Variants in ERG observed in about 807,000 individuals in gnomAD.
The protein encoded by ERG is ETS transcription factor ERG, also known as transcriptional regulator ERG.
Under a neutral mutation model 55.3 loss-of-function variants are expected in ERG, and 9 were observed. The observed-to-expected ratio is 0.16, with a 90% CI of 0.10 to 0.28. ERG has a LOEUF of 0.28. Among genes scored for constraint, ERG ranks in the 10% least tolerant of loss-of-function variants. The pLI is 1.00. For missense variants in ERG, 434 were observed against 631.6 expected (o/e 0.69, Z 3.35); for synonymous variants, 223 against 237.3 (o/e 0.94, Z 0.55).
intron 1 of ERG, among the ~76,000 whole-genome samples, chr21:38,489,614 T>C (rs935278376): frequency 2.6e-5 from 4 of 152,250 alleles, no homozygotes; most frequent in African/African-American, 9.6e-5. Context: ...ATAAATATGC[T>C]TCCAGTTTAG....
intron 1 of ERG, among the ~76,000 whole-genome samples, chr21:38,592,825 T>C (rs778241373): frequency 8.5e-5 from 13 of 152,240 alleles, no homozygotes; most frequent in Non-Finnish European, 1.6e-4. Flanking sequence ...CATGACCGCA[T>C]ACTTCTTGTC....
At chr21:38,530,304 C>G (rs1056288884) in intron 2 of ERG, among the ~76,000 whole-genome samples, 15 of 152,240 alleles carry the variant, frequency 9.9e-5, no homozygotes, top group African/African-American at 3.4e-4. Flanking sequence ...AAGTGATCCA[C>G]CCGCCTCGGC....
the ERG span, among the ~76,000 whole-genome samples, chr21:38,374,307 G>A: frequency 1.3e-5 from 2 of 152,186 alleles, no homozygotes; most frequent in South Asian, 4.1e-4. Context: ...CAGACTCCCT[G>A]GAGAGTACTG....
At chr21:38,457,724 G>C (rs1316170545) in intron 1 of ERG, among the ~76,000 whole-genome samples, 2 of 152,194 alleles carry the variant, frequency 1.3e-5, no homozygotes, top group African/African-American at 4.8e-5. Context: ...GAGCAGCACA[G>C]AGCCACCTGT....
At chr21:38,483,582 C>T (rs187581105) in intron 1 of ERG, among the ~76,000 whole-genome samples, 1 of 152,300 alleles carries the variant, frequency 6.6e-6, no homozygotes, top group African/African-American at 2.4e-5. Context: ...GGCATGGTGG[C>T]TCACGCCTAT....
intron 6 of ERG, 92 bp downstream of exon 6, chr21:38,400,482 C>A (rs763033843): frequency 4.0e-6 from 4 of 1,002,508 alleles, no homozygotes; most frequent in Non-Finnish European, 6.4e-6. Flanking sequence ...CCGGGATCAG[C>A]TCTCTTTGTA....
intron 2 of ERG, among the ~76,000 whole-genome samples, chr21:38,536,175 G>A (rs1427833904): frequency 6.6e-6 from 1 of 152,006 alleles, no homozygotes; most frequent in African/African-American, 2.4e-5. Context: ...ATCGATTAAT[G>A]GACTCTCCAG....
rs569588315 is a variant in ERG, at chr21:38,643,699, CTG to C, written c.-150+17957_-150+17958del. On this transcript the variant is annotated intron_variant, in intron 1 of 10. Transcript: ENST00000398910. ...CGGGAATGCATCGGTCTGCACCTGT[CTG>C]TTGCCATTTTCAGGGTTAGCAGGGC... 5.4e-3 allele frequency among the ~76,000 whole-genome samples: 830 copies of C among 152,338 alleles called. 4 individuals are homozygous for C. Among genetic ancestry groups the C allele is most frequent in the Admixed American group, 9.5e-3 (145 of 15,304 alleles).
chr21:38,527,988 C>T (rs1374479373), intron 2 of ERG, among the ~76,000 whole-genome samples: 1 of 152,164 alleles, frequency 6.6e-6, no homozygotes, highest in African/African-American at 2.4e-5. Flanking sequence ...GGTCGAAAGT[C>T]CAAGATCAAG....
intron 3 of ERG, among the ~76,000 whole-genome samples, chr21:38,420,562 C>T (rs1989498775): frequency 6.6e-6 from 1 of 152,194 alleles, no homozygotes; most frequent in Admixed American, 6.5e-5. Context: ...GCTATCCTTG[C>T]ATCCATCCAG....
chr21:38,424,923 C>A (rs76788386), intron 2 of ERG, among the ~76,000 whole-genome samples: 17 of 152,142 alleles, frequency 1.1e-4, no homozygotes, highest in African/African-American at 4.1e-4. Context: ...GACTACTGAC[C>A]GTGGGCAACA....
the ERG span, among the ~76,000 whole-genome samples, chr21:38,374,364 GATTA>G: frequency 6.6e-6 from 1 of 152,178 alleles, no homozygotes; most frequent in African/African-American, 2.4e-5. Flanking sequence ...ATTTGGTAAA[GATTA>G]ATTGACAAAG....
intron 1 of ERG, among the ~76,000 whole-genome samples, chr21:38,640,312 G>T (rs1267795445): frequency 6.6e-6 from 1 of 152,084 alleles, no homozygotes; most frequent in Admixed American, 6.5e-5. Context: ...CCAACATTAT[G>T]ATTTACCTAC....
chr21:38,383,438 T>C lies in ERG; in HGVS notation c.1405A>G (p.Ser469Gly), dbSNP rs530104625. Residue 469 changes from serine (S) to glycine (G), a missense_variant, in exon 10 of 10, where the codon AGC becomes GGC. Coordinates refer to ENST00000288319, the MANE Select transcript of ERG (RefSeq NM_182918.4). The surrounding 1 kb of genome is among the most constrained non-coding windows in gnomAD (Gnocchi z 5.7). Reference protein sequence around the residue: ...GIYPNTRLPTSHMPSHLGTYY With the variant: ...GIYPNTRLPTGHMPSHLGTYY The stretch of plus-strand genomic sequence containing the variant: ...GTGCCCAGATGAGAAGGCATATGGC[T>C]GGTGGGGAGCCTAGTGTTGGGGTAT... 5 of 1,514,952 alleles carry C rather than the reference T, an allele frequency of 3.3e-6. No homozygotes were observed. The highest frequency in any genetic ancestry group is 2.8e-5 in the African/African-American group (2 of 71,748). The allele number at this position is 1,514,952 out of a possible 1,614,324, so 93.8% of individuals were successfully genotyped here.
chr21:38,536,743 C>G (rs146669541), intron 2 of ERG, among the ~76,000 whole-genome samples: 1 of 152,328 alleles, frequency 6.6e-6, no homozygotes, highest in African/African-American at 2.4e-5. Flanking sequence ...AATCTCTAAT[C>G]AAGCTGTACT....
intron 1 of ERG, among the ~76,000 whole-genome samples, chr21:38,605,690 A>T (rs545363606): frequency 6.6e-6 from 1 of 152,360 alleles, no homozygotes; most frequent in African/African-American, 2.4e-5. Context: ...ATGACCCAAG[A>T]GAAGCAGGAG....
chr21:38,398,271 G>C (rs1235394430), intron 6 of ERG, among the ~76,000 whole-genome samples: 1 of 152,056 alleles, frequency 6.6e-6, no homozygotes, highest in Non-Finnish European at 1.5e-5. Context: ...GTCCTTTAAG[G>C]TTGATCGCTT....
chr21:38,400,175 C>A, intron 6 of ERG: 1 of 421,060 alleles, frequency 2.4e-6, no homozygotes, highest in Non-Finnish European at 4.5e-6. Context: ...TTCTGCTCTG[C>A]AAGACTGGCT....
chr21:38,559,589 G>A (rs2059880123), intron 2 of ERG, among the ~76,000 whole-genome samples: 1 of 152,048 alleles, frequency 6.6e-6, no homozygotes, highest in Non-Finnish European at 1.5e-5. Flanking sequence ...GTAGAGGCAG[G>A]TAATATAACA....
Sources: gnomAD v4.1 joint callset for allele counts (sites outside exome capture counted in the v4.1 genomes callset) on GRCh38, gnomAD v4.1.1 for gene constraint, Gnocchi (gnomAD v3.1) non-coding constraint, MANE v1.5 for transcripts, NCBI Gene and HGNC (gene_info 2026-07-23, HGNC 2026-07-21) for gene names.